The following YAF2 variants were observed in gnomAD, a reference collection of about 807,000 sequenced individuals.
YAF2 encodes the protein YY1 associated factor 2.
A neutral mutation model predicts 20.1 loss-of-function variants in YAF2; 7 were observed. That is an observed-to-expected ratio of 0.35 (90% confidence interval 0.20 to 0.65). The LOEUF is 0.65. Among genes scored for constraint, YAF2 ranks in the 30% least tolerant of loss-of-function variants. YAF2 has a pLI of 0.69. For synonymous variants in YAF2, 74 were observed against 76.0 expected (o/e 0.97, Z 0.14); for missense variants, 151 against 219.2 (o/e 0.69, Z 1.96).
chr12:42,228,235 T>C (rs868345688), intron 2 of YAF2, among the ~76,000 whole-genome samples: 1 of 37,440 alleles, frequency 2.7e-5, no homozygotes. Flanking sequence ...CGCCCCGTCC[T>C]GGAGGGAGGT....
In YAF2 at chr12:42,159,028, A is replaced by G. The variant is rs538795537; in HGVS notation, c.*1561T>C. ...TTTTAATTTTTCATTTAACAACACT[A>G]AAGAATGAGGTATATAAATGTTTTA... On this transcript the variant is annotated 3_prime_UTR_variant, in exon 4 of 4. Transcript: ENST00000534854. 7.9e-5 allele frequency: 12 copies of G among 152,274 alleles called. No individual in the cohort carries two copies. The highest frequency in any genetic ancestry group is 2.1e-4 in the South Asian group (1 of 4,830). The allele number at this position is 152,274 out of a possible 1,614,324, so 9.4% of individuals were successfully genotyped here.
intron 2 of YAF2, chr12:42,234,744 T>G (rs1448548777): frequency 4.1e-6 from 4 of 977,702 alleles, no homozygotes; most frequent in Non-Finnish European, 3.6e-6. Flanking sequence ...TCCCAGTTCT[T>G]TGGGAGGCCA....
chr12:42,211,742 CAAAAAAAAAAAA>C (rs1173533325), intron 2 of YAF2, among the ~76,000 whole-genome samples: 1 of 42,396 alleles, frequency 2.4e-5, no homozygotes, highest in African/African-American at 9.0e-5. Context: ...AGACTCTGTC[CAAAAAAAAAAAA>C]AAAAAAAAAG....
At position 42,159,364 on chromosome 12, in the gene YAF2, G is replaced by C. The variant is rs1258845628; in HGVS notation, c.*1225C>G. 6.6e-6 allele frequency: 1 copy of C among 152,088 alleles called. No homozygotes were observed. The highest frequency in any genetic ancestry group is 1.5e-5 in the Non-Finnish European group (1 of 67,958). 9.4% of individuals were successfully genotyped at this position (152,088 alleles called of 1,614,324 possible). A position where few individuals can be genotyped will look rare whatever the true frequency, so the allele number is the denominator to read the frequency against. On this transcript the variant is annotated 3_prime_UTR_variant, in exon 4 of 4. Transcript: ENST00000534854. ...AGCAGGAGACCCCAGGAGAATTTAA[G>C]TACTGTGTGGTTTCTAGGTTGAAAT...
rs1232077937 is a variant in YAF2 at position 42,159,730 on chromosome 12, T to G, written c.*859A>C. The G allele has an allele frequency of 6.6e-6, 1 of 152,518 alleles. No individual in the cohort carries two copies. Among genetic ancestry groups the G allele is most frequent in the East Asian group, 1.9e-4 (1 of 5,202 alleles). The allele number at this position is 152,518 out of a possible 1,614,324, so 9.4% of individuals were successfully genotyped here. A position where few individuals can be genotyped will look rare whatever the true frequency, so the allele number is the denominator to read the frequency against. ...AAACAATGATAAAACTATCATTAAG[T>G]TAAAGCTTTTCTAAAATTGCAGCTT... On this transcript the variant is annotated 3_prime_UTR_variant, in exon 4 of 4. Coordinates refer to ENST00000534854, the MANE Select transcript of YAF2 (RefSeq NM_005748.6).
chr12:42,227,081 G>A (rs1397283964), intron 2 of YAF2, among the ~76,000 whole-genome samples: 11 of 145,538 alleles, frequency 7.6e-5, no homozygotes, highest in African/African-American at 1.3e-4. Context: ...CCCGACCGCC[G>A]GGAGGATGGA....
chr12:42,228,136 G>T (rs1426913945), intron 2 of YAF2, among the ~76,000 whole-genome samples: 4 of 69,418 alleles, frequency 5.8e-5, no homozygotes, highest in East Asian at 5.7e-4. Flanking sequence ...CGCCCCGTCC[G>T]GGAGGGAGGT....
chr12:42,227,251 C>G (rs1372267416), intron 2 of YAF2, among the ~76,000 whole-genome samples: 2 of 126,638 alleles, frequency 1.6e-5, no homozygotes, highest in Non-Finnish European at 3.2e-5. Flanking sequence ...AGCCTCTGCC[C>G]GGCCGCCACC....
intron 2 of YAF2, among the ~76,000 whole-genome samples, chr12:42,166,841 AAAG>A (rs1176567361): frequency 3.3e-5 from 5 of 152,196 alleles, no homozygotes; most frequent in African/African-American, 1.2e-4. Flanking sequence ...AAAAAAAAAA[AAAG>A]GAGGGCAAAG....
At chr12:42,207,373 G>A (rs1244204255) in intron 2 of YAF2, among the ~76,000 whole-genome samples, 2 of 152,112 alleles carry the variant, frequency 1.3e-5, no homozygotes, top group African/African-American at 4.8e-5. Context: ...CAAGGATACT[G>A]TATTTCCACT....
chr12:42,207,631 G>A (rs566697985), intron 2 of YAF2, among the ~76,000 whole-genome samples: 2 of 152,302 alleles, frequency 1.3e-5, no homozygotes, highest in East Asian at 3.9e-4. Flanking sequence ...GGTGGCTCAT[G>A]CCTGTAATCC....
In YAF2 at chr12:42,224,494, A is replaced by G. The variant is rs2067624906; in HGVS notation, c.152+13105T>C. Among the ~76,000 whole-genome samples the G allele has an allele frequency of 2.0e-5, 3 of 152,058 alleles. No individual in the cohort carries two copies. In the South Asian group the frequency reaches 6.2e-4, roughly 32 times the overall value. ...CTGCATCCATCAACCCGTCATCTAC[A>G]TTAGGCAATTCTTCTAATGCTATCC... On this transcript the variant is annotated intron_variant, in intron 2 of 3. Transcript: ENST00000534854.
intron 2 of YAF2, among the ~76,000 whole-genome samples, chr12:42,162,352 CT>C (rs1422862629): frequency 1.3e-5 from 2 of 152,178 alleles, no homozygotes; most frequent in Admixed American, 1.3e-4. Flanking sequence ...TACTTGCTAA[CT>C]TACTCATTTA....
At position 42,210,615 on chromosome 12, in the gene YAF2, T is replaced by C. The variant is rs189156570; in HGVS notation, c.152+26984A>G. The C allele has an allele frequency of 8.0e-5, 123 of 1,536,120 alleles. No individual in the cohort carries two copies. The Admixed American group carries it at 2.3e-3, about 29-fold the overall frequency. ...GCACTCACAATAACTTCAAACAATGTGGATCTGTGGAGATTACCCAATAGG... is the reference window on the plus strand; with the variant it reads ...GCACTCACAATAACTTCAAACAATGCGGATCTGTGGAGATTACCCAATAGG... On this transcript the variant is annotated intron_variant, in intron 2 of 3. Transcript: ENST00000534854.
intron 2 of YAF2, among the ~76,000 whole-genome samples, chr12:42,197,391 G>A (rs1046721906): frequency 1.3e-5 from 2 of 152,232 alleles, no homozygotes; most frequent in African/African-American, 4.8e-5. Flanking sequence ...CAGTGGATGG[G>A]AGAATAAGAA....
intron 2 of YAF2, among the ~76,000 whole-genome samples, chr12:42,167,269 C>T (rs1385368786): frequency 6.6e-6 from 1 of 151,996 alleles, no homozygotes; most frequent in Non-Finnish European, 1.5e-5. Flanking sequence ...AACAAACCTG[C>T]ATGTTCTGCA....
intron 2 of YAF2, among the ~76,000 whole-genome samples, chr12:42,192,733 T>C (rs10880264): frequency 0.35 from 53,484 of 152,018 alleles, 9,729 homozygotes; most frequent in South Asian, 0.47. Context: ...ATTTAAAGAT[T>C]TTGGTCAAGG....
chr12:42,163,770 G>C (rs1229243796), intron 2 of YAF2, among the ~76,000 whole-genome samples: 3 of 152,084 alleles, frequency 2.0e-5, no homozygotes, highest in African/African-American at 7.2e-5. Flanking sequence ...CTGCTCTCTA[G>C]GAGCTAAAGA....
chr12:42,160,539 G>T lies in YAF2; in HGVS notation c.*50C>A. 1 of 1,402,422 alleles carries T rather than the reference G, an allele frequency of 7.1e-7. No homozygotes were observed. Among genetic ancestry groups the T allele is most frequent in the Non-Finnish European group, 1.0e-6 (1 of 998,784 alleles). 86.9% of individuals were successfully genotyped at this position (1,402,422 alleles called of 1,614,324 possible). A position where few individuals can be genotyped will look rare whatever the true frequency, so the allele number is the denominator to read the frequency against. On this transcript the variant is annotated 3_prime_UTR_variant, in exon 4 of 4. Transcript: ENST00000534854. ...TGTGGTACCTCTTGGCATAATCTGT[G>T]TATTTGCATGGTAGGACAGAAGTGA...
Sources: gnomAD v4.1 joint callset for allele counts (sites outside exome capture counted in the v4.1 genomes callset) on GRCh38, gnomAD v4.1.1 for gene constraint, MANE v1.5 for transcripts, NCBI Gene and HGNC (gene_info 2026-07-23, HGNC 2026-07-21) for gene names.